MARCHF1: variants seen among roughly 807,000 people sequenced by gnomAD.
The protein encoded by MARCHF1 is E3 ubiquitin-protein ligase MARCHF1.
Under a neutral mutation model 54.2 loss-of-function variants are expected in MARCHF1, and 40 were observed. That is an observed-to-expected ratio of 0.74 (90% CI 0.57 to 0.96). The LOEUF is 0.96. MARCHF1 is among the 40% of genes least tolerant of loss of function. The pLI, the probability that MARCHF1 is intolerant of heterozygous loss-of-function variation, is 0.00. For synonymous variants in MARCHF1, 236 were observed against 236.3 expected (o/e 1.00, Z 0.01); for missense variants, 586 against 656.5 (o/e 0.89, Z 1.17).
intron 3 of MARCHF1, among the ~76,000 whole-genome samples, chr4:163,964,744 T>TA (rs1752409181): frequency 6.6e-6 from 1 of 151,916 alleles, no homozygotes; most frequent in Non-Finnish European, 1.5e-5. Context: ...ATTTCTGCCT[T>TA]CCCAGAGCCA....
chr4:164,015,857 G>C (rs1425585731), intron 2 of MARCHF1, among the ~76,000 whole-genome samples: 1 of 150,390 alleles, frequency 6.6e-6, no homozygotes, highest in Non-Finnish European at 1.5e-5. Context: ...AAAAATGTAA[G>C]TTACCAACAT....
intron 4 of MARCHF1, among the ~76,000 whole-genome samples, chr4:163,785,387 A>T (rs780823211): frequency 6.6e-5 from 10 of 152,116 alleles, no homozygotes; most frequent in Non-Finnish European, 1.3e-4. Flanking sequence ...CACAACCTAA[A>T]GAAGCTGGTA....
intron 9 of MARCHF1, among the ~76,000 whole-genome samples, chr4:163,544,599 G>C (rs1405735803): frequency 6.6e-6 from 1 of 152,202 alleles, no homozygotes; most frequent in Non-Finnish European, 1.5e-5. Flanking sequence ...GGGCGAGTGT[G>C]AGAATGGAGC....
chr4:163,937,859 G>C (rs1751832324), intron 3 of MARCHF1, among the ~76,000 whole-genome samples: 1 of 152,022 alleles, frequency 6.6e-6, no homozygotes, highest in Admixed American at 6.6e-5. Context: ...AGGAAATAAA[G>C]CAAAAAATTT....
chr4:163,843,822 G>C (rs566397807), intron 4 of MARCHF1, among the ~76,000 whole-genome samples: 1 of 151,884 alleles, frequency 6.6e-6, no homozygotes, highest in East Asian at 1.9e-4. Context: ...GGCCATTCTG[G>C]AGTGGTGTGA....
At chr4:163,980,598 C>T (rs1299393770) in intron 3 of MARCHF1, among the ~76,000 whole-genome samples, 2 of 152,108 alleles carry the variant, frequency 1.3e-5, no homozygotes, top group Non-Finnish European at 2.9e-5. Context: ...TATAATTTCA[C>T]GGGGCCACAA....
intron 1 of MARCHF1, among the ~76,000 whole-genome samples, chr4:164,125,652 T>C (rs184743425): frequency 6.6e-6 from 1 of 152,322 alleles, no homozygotes; most frequent in East Asian, 1.9e-4. Flanking sequence ...GGATCTGCTA[T>C]ACCAGGGATT....
intron 2 of MARCHF1, among the ~76,000 whole-genome samples, chr4:164,057,246 TGAA>T (rs1327409598): frequency 1.3e-5 from 2 of 152,200 alleles, no homozygotes; most frequent in African/African-American, 4.8e-5. Flanking sequence ...GTACCTTGAA[TGAA>T]GATTATTACC....
intron 5 of MARCHF1, among the ~76,000 whole-genome samples, chr4:163,697,287 A>G (rs1744665373): frequency 6.6e-6 from 1 of 152,166 alleles, no homozygotes; most frequent in Non-Finnish European, 1.5e-5. Context: ...TTTGCAGTTC[A>G]GGCACAGTGA....
At chr4:163,546,461 T>C (rs1239474571) in intron 8 of MARCHF1, among the ~76,000 whole-genome samples, 1 of 152,224 alleles carries the variant, frequency 6.6e-6, no homozygotes, top group Non-Finnish European at 1.5e-5. Context: ...CTTGTGGTAC[T>C]AGGTTATACG....
At chr4:163,609,615 G>T (rs1579109225) in intron 7 of MARCHF1, among the ~76,000 whole-genome samples, 1 of 149,934 alleles carries the variant, frequency 6.7e-6, no homozygotes, top group East Asian at 1.9e-4. Flanking sequence ...TTCTGTGTGT[G>T]TGTGTGTGTA....
chr4:163,799,267 G>A (rs538762381), intron 4 of MARCHF1, among the ~76,000 whole-genome samples: 43 of 152,158 alleles, frequency 2.8e-4, no homozygotes, highest in South Asian at 4.1e-4. Context: ...TTTATCTAAT[G>A]TGGTTCTTCA....
chr4:164,272,070 C>T (rs1312466599), intron 1 of MARCHF1, among the ~76,000 whole-genome samples: 4 of 151,582 alleles, frequency 2.6e-5, no homozygotes, highest in Non-Finnish European at 5.9e-5. Flanking sequence ...AAATTAAAAC[C>T]ACCCTGAGAT....
chr4:164,203,845 G>C (rs576194547), intron 1 of MARCHF1, among the ~76,000 whole-genome samples: 5 of 152,260 alleles, frequency 3.3e-5, no homozygotes, highest in African/African-American at 1.2e-4. Context: ...AAACAAAAAA[G>C]CTGAGACTGA....
intron 1 of MARCHF1, among the ~76,000 whole-genome samples, chr4:164,361,735 T>C (rs1487652976): frequency 1.3e-5 from 2 of 152,262 alleles, no homozygotes; most frequent in East Asian, 1.9e-4. Context: ...ATTTTAAACA[T>C]GTACAATTTT....
intron 1 of MARCHF1, among the ~76,000 whole-genome samples, chr4:164,157,180 G>T (rs539029644): frequency 5.3e-5 from 8 of 151,458 alleles, no homozygotes; most frequent in African/African-American, 1.7e-4. Flanking sequence ...AATATTAAAA[G>T]ATATTATGGT....
At chr4:163,769,439 T>G (rs1747087903) in intron 4 of MARCHF1, among the ~76,000 whole-genome samples, 1 of 152,184 alleles carries the variant, frequency 6.6e-6, no homozygotes, top group Non-Finnish European at 1.5e-5. Flanking sequence ...ATTAATGTAT[T>G]TAATCTTAAC....
At chr4:164,100,685 A>G (rs947920770) in intron 2 of MARCHF1, among the ~76,000 whole-genome samples, 1 of 152,192 alleles carries the variant, frequency 6.6e-6, no homozygotes, top group Non-Finnish European at 1.5e-5. Flanking sequence ...GTCTCCCCTA[A>G]AACTCCTATT....
rs1561047100 is a variant in MARCHF1 at position 163,733,225 on chromosome 4, G to GTATATATATATATATATACACA, written c.112-32363_112-32362insTGTGTATATATATATATATATA. Among the ~76,000 whole-genome samples the GTATATATATATATATATACACA allele has an allele frequency of 1.5e-3, 19 of 13,020 alleles. 1 individual carries two copies. The highest frequency in any genetic ancestry group is 3.5e-3 in the African/African-American group (18 of 5,098). The allele number at this position is 13,020 out of a possible 152,430, so 8.5% of individuals were successfully genotyped here. On this transcript the variant is annotated intron_variant, in intron 4 of 9. Transcript: ENST00000514618. ...TATATATATATATATATATATACAC[G>GTATATATATATATATATACACA]TGTATATATATATATACACGTGTAT... is the stretch of plus-strand genomic sequence containing the variant.
Sources: gnomAD v4.1 joint callset for allele counts (sites outside exome capture counted in the v4.1 genomes callset) on GRCh38, gnomAD v4.1.1 for gene constraint, MANE v1.5 for transcripts, NCBI Gene and HGNC (gene_info 2026-07-23, HGNC 2026-07-21) for gene names.